NEK1: variants seen among roughly 807,000 people sequenced by gnomAD.
NEK1 encodes serine/threonine-protein kinase Nek1.
In NEK1, 137 loss-of-function variants were observed where a neutral mutation model predicts 182.1. That is an observed-to-expected ratio of 0.75 (90% CI 0.65 to 0.87). The LOEUF is 0.87. NEK1 is among the 40% of genes least tolerant of loss of function. The pLI is 0.00. For missense variants in NEK1, 1,391 were observed against 1,494.4 expected, an observed-to-expected ratio of 0.93 and a Z score of 1.14; for synonymous variants, 513 against 492.2, an observed-to-expected ratio of 1.04 and a Z score of -0.56.
chr4:169,578,840 T>C (rs1161672905), intron 11 of NEK1, among the ~76,000 whole-genome samples: 1 of 152,138 alleles, frequency 6.6e-6, no homozygotes, highest in East Asian at 1.9e-4. Flanking sequence ...GGTAAGGTTT[T>C]CCAAACACAT....
chr4:169,532,119 G>T (rs1757767368), intron 19 of NEK1, among the ~76,000 whole-genome samples: 1 of 152,162 alleles, frequency 6.6e-6, no homozygotes, highest in Admixed American at 6.5e-5. Context: ...CTTCAAAGGG[G>T]CATGAAGAAA....
chr4:169,530,821 T>C (rs1405672721), intron 19 of NEK1, among the ~76,000 whole-genome samples: 1 of 151,192 alleles, frequency 6.6e-6, no homozygotes, highest in Non-Finnish European at 1.5e-5. Flanking sequence ...ATACATGTGT[T>C]AAAATTCCTG....
intron 11 of NEK1, among the ~76,000 whole-genome samples, chr4:169,580,299 C>A (rs1766405964): frequency 6.6e-6 from 1 of 151,790 alleles, no homozygotes; most frequent in South Asian, 2.1e-4. Context: ...GAGTTTGAGA[C>A]CAGTCTGGCC....
At chr4:169,571,179 AAAATAAAT>A (rs56050357) in intron 12 of NEK1, among the ~76,000 whole-genome samples, 15,994 of 143,264 alleles carry the variant, frequency 0.11, 1,009 homozygotes, top group Non-Finnish European at 0.15. Context: ...GATCAATAAA[AAAATAAAT>A]AAATAAATAA....
chr4:169,491,062 G>C lies in NEK1; in HGVS notation c.2008-11528C>G, dbSNP rs182183313. Among the ~76,000 whole-genome samples the C allele has an allele frequency of 9.5e-3, 1,260 of 132,634 alleles. 28 individuals carry two copies. Among genetic ancestry groups the C allele is most frequent in the African/African-American group, 0.033 (1,198 of 35,770 alleles). 87.0% of individuals were successfully genotyped at this position (132,634 alleles called of 152,430 possible). A position where few individuals can be genotyped will look rare whatever the true frequency, so the allele number is the denominator to read the frequency against. ...GGAGGCTGAGGCAGGAGAATCGCTT[G>C]AACCCAGGAGGTGGAGGCTGCAGTG... On this transcript the variant is annotated intron_variant, in intron 23 of 35. Coordinates refer to ENST00000507142, the MANE Select transcript of NEK1 (RefSeq NM_001199397.3).
chr4:169,401,501 G>GA, intron 33 of NEK1, 151 bp downstream of exon 33: 1 of 496,250 alleles, frequency 2.0e-6, no homozygotes, highest in Non-Finnish European at 3.4e-6. Context: ...TGTATGAAAA[G>GA]AAAAAGAATG....
At chr4:169,478,267 G>A (rs935343974) in intron 24 of NEK1, 2 of 151,978 alleles carry the variant, frequency 1.3e-5, no homozygotes, top group African/African-American at 2.4e-5. Flanking sequence ...GGATTACCTC[G>A]AATTTTGTAA....
chr4:169,494,751 C>T (rs1265489522), intron 23 of NEK1, among the ~76,000 whole-genome samples: 1 of 152,180 alleles, frequency 6.6e-6, no homozygotes, highest in Non-Finnish European at 1.5e-5. Context: ...ACATCCTCTC[C>T]AGCACCTGTT....
intron 11 of NEK1, among the ~76,000 whole-genome samples, chr4:169,580,384 GCTA>G (rs769746090): frequency 6.7e-6 from 1 of 150,102 alleles, no homozygotes; most frequent in East Asian, 2.0e-4. Flanking sequence ...GGTAATCCCA[GCTA>G]CTCGGAGGCT....
intron 12 of NEK1, among the ~76,000 whole-genome samples, chr4:169,564,474 T>C (rs1022395058): frequency 3.3e-5 from 5 of 152,152 alleles, no homozygotes; most frequent in Admixed American, 3.3e-4. Flanking sequence ...TTCAGTTTTC[T>C]AAATTATGTA....
intron 26 of NEK1, among the ~76,000 whole-genome samples, chr4:169,470,435 T>C (rs1038029626): frequency 1.3e-5 from 2 of 152,220 alleles, no homozygotes; most frequent in Non-Finnish European, 2.9e-5. Flanking sequence ...TTAAGAATGT[T>C]GAATATTGGC....
At chr4:169,527,990 A>G (rs1254245591) in intron 19 of NEK1, among the ~76,000 whole-genome samples, 1 of 152,190 alleles carries the variant, frequency 6.6e-6, no homozygotes, top group African/African-American at 2.4e-5. Context: ...GAAACAAGAT[A>G]TACCACACAA....
chr4:169,495,678 G>A (rs1751108799), intron 23 of NEK1, among the ~76,000 whole-genome samples: 1 of 151,960 alleles, frequency 6.6e-6, no homozygotes, highest in South Asian at 2.1e-4. Flanking sequence ...CTCATTTTTC[G>A]TTTTTGTCAG....
At chr4:169,611,756 G>A (rs377281586) in intron 2 of NEK1, among the ~76,000 whole-genome samples, 10 of 152,130 alleles carry the variant, frequency 6.6e-5, no homozygotes, top group East Asian at 5.8e-4. Context: ...CATAAGCAAT[G>A]CAAATGCTTG....
Position 169,395,964 on chromosome 4 carries a change from G to A in NEK1, c.3848-1441C>T, listed in dbSNP as rs566595347. 8.3e-4 allele frequency among the ~76,000 whole-genome samples: 126 copies of A among 152,130 alleles called. 2 individuals carry two copies. The highest frequency in any genetic ancestry group is 3.4e-3 in the Middle Eastern group (1 of 294). ...GTGGGGCTTATCCATATTGACAGTC[G>A]GAATTTAATTCATTCATTTTAGCCG... On this transcript the variant is annotated intron_variant, in intron 35 of 35. Coordinates refer to ENST00000507142, the MANE Select transcript of NEK1 (RefSeq NM_001199397.3).
At chr4:169,577,845 T>C (rs946795425) in intron 11 of NEK1, among the ~76,000 whole-genome samples, 48 of 152,118 alleles carry the variant, frequency 3.2e-4, no homozygotes, top group African/African-American at 1.1e-3. Flanking sequence ...AGAGCCACTG[T>C]TAAGCATTAA....
chr4:169,600,545 C>T (rs956382779), intron 4 of NEK1, among the ~76,000 whole-genome samples: 3 of 152,068 alleles, frequency 2.0e-5, no homozygotes, highest in Non-Finnish European at 4.4e-5. Flanking sequence ...TCTTGTCACT[C>T]GTGGTGCACA....
chr4:169,404,294 T>C (rs1318462095), intron 32 of NEK1, among the ~76,000 whole-genome samples: 2 of 152,120 alleles, frequency 1.3e-5, no homozygotes, highest in Non-Finnish European at 2.9e-5. Context: ...AGTAAAAAGG[T>C]AACTTTTCTT....
intron 26 of NEK1, among the ~76,000 whole-genome samples, chr4:169,475,568 A>G (rs949701397): frequency 1.3e-5 from 2 of 152,196 alleles, no homozygotes; most frequent in Non-Finnish European, 2.9e-5. Flanking sequence ...CTGACATCCA[A>G]TTAAAAACAA....
Sources: allele counts gnomAD v4.1 joint callset (sites outside exome capture counted in the v4.1 genomes callset), GRCh38; gene constraint gnomAD v4.1.1; transcripts MANE v1.5; gene names NCBI Gene and HGNC (gene_info 2026-07-23, HGNC 2026-07-21).